HAUS7: variants seen among roughly 807,000 people sequenced by gnomAD.
The protein encoded by HAUS7 is HAUS augmin-like complex subunit 7.
Under a neutral mutation model 28.4 loss-of-function variants are expected in HAUS7, and 3 were observed. The ratio of observed to expected loss-of-function variants is 0.11; its 90% confidence interval spans 0.05 to 0.27. The LOEUF is 0.27. Ranked by LOEUF, HAUS7 falls within the 10% of genes least tolerant of loss-of-function variation. The pLI is 1.00. For missense variants in HAUS7, 284 were observed against 297.3 expected (o/e 0.96, Z 0.33); for synonymous variants, 165 against 132.1 (o/e 1.25, Z -1.71).
intron 1 of HAUS7, among the ~76,000 whole-genome samples, chrX:153,469,687 C>G (rs1211573357): frequency 8.9e-6 from 1 of 112,259 alleles, no homozygotes; most frequent in Non-Finnish European, 1.9e-5. Flanking sequence ...GCCATCTTGC[C>G]AAGAGTTCAA....
rs782079570 is a variant in HAUS7 at position 153,465,009 on chromosome X, G to C, written c.271C>G (p.Pro91Ala). Residue 91 changes from proline to alanine, a missense_variant, in exon 3 of 10, where the codon CCA becomes GCA. Coordinates refer to ENST00000370211, the MANE Select transcript of HAUS7 (RefSeq NM_001385482.1). The part of the protein sequence containing the change: ...QDRFSSLKGV[P>A]TEVKIQEMTK... ...CTACCTTGGATCTTCACCTCTGTTG[G>C]GACCCCTTTCAGTGAGCTGAACCTG... 1 of 1,199,836 alleles carries C rather than the reference G, an allele frequency of 8.3e-7. No individual in the cohort carries two copies. Among genetic ancestry groups the C allele is most frequent in the East Asian group, 3.0e-5 (1 of 33,782 alleles).
chrX:153,479,533 G>C (rs782259704), intron 1 of HAUS7: 1 of 286,957 alleles, frequency 3.5e-6, no homozygotes, highest in South Asian at 1.7e-4. Flanking sequence ...CTCTAGGGGC[G>C]AGGGAGGGAA....
intron 1 of HAUS7, chrX:153,481,955 G>A: frequency 2.8e-6 from 2 of 707,475 alleles, no homozygotes; most frequent in South Asian, 7.3e-5. Flanking sequence ...CCTCTTCTCG[G>A]GGGCCGGGGC....
intron 9 of HAUS7, among the ~76,000 whole-genome samples, chrX:153,449,518 T>C (rs1556980738): frequency 8.9e-6 from 1 of 112,589 alleles, no homozygotes. Flanking sequence ...TAGACCTCCA[T>C]CCCGGCCTTC....
At chrX:153,458,422 G>A (rs899312535) in intron 4 of HAUS7, among the ~76,000 whole-genome samples, 1 of 113,255 alleles carries the variant, frequency 8.8e-6, no homozygotes, top group African/African-American at 3.2e-5. Flanking sequence ...TGAGGCTGGC[G>A]AGGATCACGC....
chrX:153,479,467 C>T (rs1336485301), intron 1 of HAUS7: 1 of 616,745 alleles, frequency 1.6e-6, no homozygotes, highest in East Asian at 1.7e-4. Flanking sequence ...GGCAGGGCTG[C>T]AAAGGGCCCA....
intron 1 of HAUS7, chrX:153,482,717 G>A (rs1456504464): frequency 2.2e-5 from 17 of 755,876 alleles, no homozygotes; most frequent in Non-Finnish European, 2.5e-5. Flanking sequence ...CGCCTGCAGG[G>A]CTCAGCCAGC....
At chrX:153,491,630 C>T (rs2089671638) in intron 1 of HAUS7, among the ~76,000 whole-genome samples, 1 of 113,279 alleles carries the variant, frequency 8.8e-6, no homozygotes. Context: ...GCTGGGGTGG[C>T]AGCTGCCTGA....
At chrX:153,450,911 CT>C (rs1311315339) in intron 9 of HAUS7, among the ~76,000 whole-genome samples, 1 of 112,362 alleles carries the variant, frequency 8.9e-6, no homozygotes, top group Non-Finnish European at 1.9e-5. Flanking sequence ...AAATAAAGAA[CT>C]GTCCCGAGTG....
At chrX:153,475,471 A>G (rs1335389127), upstream of HAUS7, among the ~76,000 whole-genome samples, 2 of 111,618 alleles carry the variant, frequency 1.8e-5, no homozygotes, top group African/African-American at 6.5e-5. Context: ...AAGAAAAGTC[A>G]TTTAATTGGG....
At chrX:153,490,836 C>T (rs782653593) in intron 1 of HAUS7, among the ~76,000 whole-genome samples, 16 of 112,594 alleles carry the variant, frequency 1.4e-4, no homozygotes, top group African/African-American at 5.2e-4. Flanking sequence ...TAGAAGCTCT[C>T]CCTGCCCCCC....
upstream of HAUS7, chrX:153,470,699 C>T: frequency 1.1e-6 from 1 of 920,720 alleles, no homozygotes; most frequent in Non-Finnish European, 1.5e-6. Flanking sequence ...GCGACATCTC[C>T]GCCTGCGCGG....
In HAUS7 at chrX:153,456,400, G is replaced by A. The variant is rs782715831; in HGVS notation, c.606-36C>T. ...AGAAAGGGAACACTTGCAACTCACC[G>A]CTGCCAGGGGTGTCTGCAGTAACAG... On this transcript the variant is annotated intron_variant, in intron 6 of 9. Coordinates refer to ENST00000370211, the MANE Select transcript of HAUS7 (RefSeq NM_001385482.1). The A allele has an allele frequency of 9.4e-6, 11 of 1,171,723 alleles. No individual in the cohort carries two copies. In the South Asian group the frequency reaches 1.1e-4, roughly 12 times the overall value.
chrX:153,485,615 C>T (rs2089631143), intron 1 of HAUS7, among the ~76,000 whole-genome samples: 1 of 112,458 alleles, frequency 8.9e-6, no homozygotes, highest in African/African-American at 3.2e-5. Flanking sequence ...ACAGGAGTTG[C>T]CAGAGTCCCA....
upstream of HAUS7, chrX:153,471,197 C>G (rs1291367591): frequency 3.9e-6 from 1 of 256,692 alleles, no homozygotes; most frequent in Non-Finnish European, 7.5e-6. Flanking sequence ...GCCTTTGAAC[C>G]AGTTACCTAA....
chrX:153,477,046 G>C (rs1387218113), intron 1 of HAUS7, among the ~76,000 whole-genome samples: 2 of 113,018 alleles, frequency 1.8e-5, no homozygotes, highest in Non-Finnish European at 3.8e-5. Flanking sequence ...CACTCCCCAG[G>C]GGCCCACCCA....
chrX:153,481,825 A>G (rs1000646317), intron 1 of HAUS7: 4 of 754,326 alleles, frequency 5.3e-6, no homozygotes, highest in South Asian at 6.8e-5. Context: ...GAAATTGCCA[A>G]GATCCCAGCC....
chrX:153,486,743 TCTC>T (rs1464075002), intron 1 of HAUS7: 1 of 980,686 alleles, frequency 1.0e-6, no homozygotes, highest in African/African-American at 2.0e-5. Context: ...CCCACTGCCT[TCTC>T]CTGCACCCGA....
At chrX:153,466,569 G>A (rs970407448) in intron 2 of HAUS7, among the ~76,000 whole-genome samples, 1 of 111,787 alleles carries the variant, frequency 8.9e-6, no homozygotes, top group African/African-American at 3.3e-5. Context: ...CCCTAAATGG[G>A]GCTGACAGGG....
Sources: allele counts gnomAD v4.1 joint callset (sites outside exome capture counted in the v4.1 genomes callset), GRCh38; gene constraint gnomAD v4.1.1; transcripts MANE v1.5; gene names NCBI Gene and HGNC (gene_info 2026-07-23, HGNC 2026-07-21).